The following EPB41L3 variants were observed in gnomAD, a reference collection of about 807,000 sequenced individuals.
EPB41L3 encodes band 4.1-like protein 3.
EPB41L3 carries 57 observed loss-of-function variants against 127.1 expected under a neutral mutation model. The observed-to-expected ratio is 0.45, with a 90% CI of 0.36 to 0.56. The LOEUF is 0.56. EPB41L3 is among the 20% of genes least tolerant of loss of function. EPB41L3 has a pLI of 0.00. For missense variants in EPB41L3, 1,273 were observed against 1,372.2 expected (o/e 0.93, Z 1.14); for synonymous variants, 572 against 549.5 (o/e 1.04, Z -0.57).
At chr18:5,628,562 T>C (rs2094949965) in intron 1 of EPB41L3, among the ~76,000 whole-genome samples, 1 of 152,188 alleles carries the variant, frequency 6.6e-6, no homozygotes, top group Admixed American at 6.5e-5. Context: ...TTCCCTTTCC[T>C]TGTCTTGTGG....
intron 12 of EPB41L3, among the ~76,000 whole-genome samples, chr18:5,417,729 G>A (rs910932352): frequency 5.9e-5 from 9 of 152,212 alleles, no homozygotes; most frequent in African/African-American, 1.9e-4. Context: ...TAGCTCTTCG[G>A]CCTTTGAAGG....
intron 1 of EPB41L3, among the ~76,000 whole-genome samples, chr18:5,531,212 T>A (rs760928270): frequency 2.0e-5 from 3 of 152,232 alleles, no homozygotes; most frequent in Non-Finnish European, 2.9e-5. Flanking sequence ...CTGATGTGTT[T>A]TAGTCAAATC....
intron 1 of EPB41L3, among the ~76,000 whole-genome samples, chr18:5,529,271 A>G (rs982289833): frequency 1.3e-5 from 2 of 152,140 alleles, no homozygotes; most frequent in African/African-American, 4.8e-5. Flanking sequence ...TTGCCTCTCA[A>G]TATACTTCTT....
At chr18:5,494,928 TC>T (rs1389388487) in intron 1 of EPB41L3, among the ~76,000 whole-genome samples, 3 of 152,100 alleles carry the variant, frequency 2.0e-5, no homozygotes, top group Non-Finnish European at 4.4e-5. Context: ...TACTCAGGGA[TC>T]ATCTGGCAGA....
At position 5,452,125 on chromosome 18, in the gene EPB41L3, T is replaced by C. The variant is rs559963785; in HGVS notation, c.382-6881A>G. Among the ~76,000 whole-genome samples the C allele has an allele frequency of 1.3e-4, 20 of 152,300 alleles. No homozygotes were observed. The South Asian group carries it at 2.1e-3, about 16-fold the overall frequency. Reference sequence around the variant, plus strand: ...CTCCCAAAGTGCTGAGATACAGGCATGAGCCACCACGCCTGGCTGACATCT... The same window carrying C: ...CTCCCAAAGTGCTGAGATACAGGCACGAGCCACCACGCCTGGCTGACATCT... On this transcript the variant is annotated intron_variant, in intron 3 of 22. Coordinates refer to ENST00000341928, the MANE Select transcript of EPB41L3 (RefSeq NM_012307.5).
Position 5,537,322 on chromosome 18 carries a change from C to T in EPB41L3, c.-12+6591G>A, listed in dbSNP as rs577169081. ...GGATAAGGAAAATCTTCCCATATTT[C>T]GTATATCTCATTTTCTACCTTAAAC... is the stretch of plus-strand genomic sequence containing the variant. On this transcript the variant is annotated intron_variant, in intron 1 of 22. Transcript: ENST00000341928. Among the ~76,000 whole-genome samples, 5 of 152,124 alleles carry T rather than the reference C, an allele frequency of 3.3e-5. 1 individual carries two copies. In the South Asian group the frequency reaches 8.3e-4, roughly 25 times the overall value.
intron 3 of EPB41L3, among the ~76,000 whole-genome samples, chr18:5,447,602 C>T (rs1046557690): frequency 1.3e-5 from 2 of 152,096 alleles, no homozygotes; most frequent in South Asian, 4.1e-4. Context: ...GGACCCTATG[C>T]CTCCTACATT....
At chr18:5,418,086 A>G (rs1012580598) in intron 12 of EPB41L3, among the ~76,000 whole-genome samples, 2 of 152,222 alleles carry the variant, frequency 1.3e-5, no homozygotes, top group Non-Finnish European at 2.9e-5. Flanking sequence ...TTAACCTTCC[A>G]TGCTGATTAT....
intron 3 of EPB41L3, among the ~76,000 whole-genome samples, chr18:5,551,866 G>C (rs1568562947): frequency 6.6e-6 from 1 of 152,154 alleles, no homozygotes; most frequent in Non-Finnish European, 1.5e-5. Flanking sequence ...AAATATTGAT[G>C]CTTAAGCTGT....
chr18:5,621,858 G>C (rs2094866524), intron 1 of EPB41L3, among the ~76,000 whole-genome samples: 1 of 152,172 alleles, frequency 6.6e-6, no homozygotes, highest in Admixed American at 6.5e-5. Context: ...AGAATAAAAA[G>C]TATAAATTAA....
chr18:5,544,108 G>C, upstream of EPB41L3: 2 of 985,778 alleles, frequency 2.0e-6, no homozygotes, highest in Non-Finnish European at 2.4e-6. Context: ...CACGCCCAGA[G>C]ACCGTGCGAG....
intron 1 of EPB41L3, among the ~76,000 whole-genome samples, chr18:5,529,325 C>CAT (rs58775836): frequency 0.075 from 11,202 of 150,300 alleles, 532 homozygotes; most frequent in Non-Finnish European, 0.11. Context: ...CAAATACATA[C>CAT]ATATATATAT....
chr18:5,419,763 C>T lies in EPB41L3; in HGVS notation c.1454G>A (p.Arg485Gln), dbSNP rs767397189. 24 of 1,614,054 alleles carry T rather than the reference C, an allele frequency of 1.5e-5. No homozygotes were observed. In the South Asian group the frequency reaches 1.8e-4, roughly 12 times the overall value. Residue 485 changes from arginine to glutamine, a missense_variant, in exon 12 of 23, where the codon CGG (arginine) becomes CAG (glutamine). Arg to Gln is a conservative substitution (Grantham distance 43). Around this residue, in one of 3 missense-constraint regions of EPB41L3, gnomAD observed 765 missense variants for 782.9 expected, o/e 0.98. Coordinates refer to ENST00000341928, the MANE Select transcript of EPB41L3 (RefSeq NM_012307.5). The part of the protein sequence containing the change: ...EEERDEEEDK[R>Q]RKGEEVTPIS... ...GGGCGTGACTTCTTCCCCCTTCCTC[C>T]GTTTGTCCTCTTCCTCGTCCCGCTC...
At chr18:5,398,407 G>A in intron 16 of EPB41L3, 1 of 487,280 alleles carries the variant, frequency 2.1e-6, no homozygotes, top group Non-Finnish European at 3.6e-6. Flanking sequence ...TTCATTGCAA[G>A]CCACAGCAGC....
At chr18:5,587,324 G>C (rs186194004) in intron 3 of EPB41L3, among the ~76,000 whole-genome samples, 6 of 152,048 alleles carry the variant, frequency 3.9e-5, no homozygotes, top group Non-Finnish European at 5.9e-5. Flanking sequence ...GTTGACCCAT[G>C]GTCAACTGTG....
chr18:5,517,617 T>C (rs747379979), intron 1 of EPB41L3, among the ~76,000 whole-genome samples: 5 of 151,978 alleles, frequency 3.3e-5, no homozygotes, highest in African/African-American at 7.2e-5. Context: ...TTTGTATTTA[T>C]AGTAGAGACA....
intron 3 of EPB41L3, among the ~76,000 whole-genome samples, chr18:5,456,758 C>T (rs987444806): frequency 1.3e-5 from 2 of 152,240 alleles, no homozygotes; most frequent in Non-Finnish European, 2.9e-5. Flanking sequence ...CTTAATACTG[C>T]GTGAACCCAC....
intron 3 of EPB41L3, among the ~76,000 whole-genome samples, chr18:5,603,118 T>C (rs1025511689): frequency 2.0e-5 from 3 of 152,216 alleles, no homozygotes; most frequent in Admixed American, 6.5e-5. Context: ...TTTTCATTAA[T>C]ACTTTGAAAG....
intron 1 of EPB41L3, among the ~76,000 whole-genome samples, chr18:5,493,705 G>A (rs1459978212): frequency 1.3e-5 from 2 of 151,952 alleles, no homozygotes; most frequent in East Asian, 1.9e-4. Flanking sequence ...CTTTTCTGTG[G>A]TGCCAAGCTT....
Sources: gnomAD v4.1 joint callset for allele counts (sites outside exome capture counted in the v4.1 genomes callset) on GRCh38, gnomAD v4.1.1 for gene constraint, gnomAD v4.1.1 regional missense constraint, MANE v1.5 for transcripts, NCBI Gene and HGNC (gene_info 2026-07-23, HGNC 2026-07-21) for gene names.